The following MALRD1 variants were observed in gnomAD, a reference collection of about 807,000 sequenced individuals.
MALRD1 encodes the protein MAM and LDL-receptor class A domain-containing protein 1.
Under a neutral mutation model 242.1 loss-of-function variants are expected in MALRD1, and 247 were observed. The observed-to-expected ratio is 1.02, with a 90% confidence interval of 0.92 to 1.13. The LOEUF is 1.13. Among genes scored for constraint, MALRD1 ranks in the 50% most tolerant of loss-of-function variants. The pLI is 0.00. For synonymous variants in MALRD1, 995 were observed against 866.6 expected, an observed-to-expected ratio of 1.15 and a Z score of -2.60; for missense variants, 2,989 against 2,533.1, an observed-to-expected ratio of 1.18 and a Z score of -3.86.
chr10:19,451,159 T>C (rs1334964411), intron 29 of MALRD1, among the ~76,000 whole-genome samples: 2 of 152,236 alleles, frequency 1.3e-5, no homozygotes, highest in Non-Finnish European at 2.9e-5. Flanking sequence ...CAATTTTAAA[T>C]GTGAGCCTAA....
At chr10:19,548,986 G>T (rs1011349783) in intron 32 of MALRD1, among the ~76,000 whole-genome samples, 1 of 152,158 alleles carries the variant, frequency 6.6e-6, no homozygotes, top group African/African-American at 2.4e-5. Context: ...AGTTAAAAGT[G>T]CTACTCCAGT....
At chr10:19,554,760 A>G (rs894111739) in intron 32 of MALRD1, among the ~76,000 whole-genome samples, 3 of 152,226 alleles carry the variant, frequency 2.0e-5, no homozygotes, top group Middle Eastern at 3.4e-3. Context: ...TCTATGGTGT[A>G]TATGCACCAC....
At chr10:19,106,740 T>C (rs1244879432) in intron 5 of MALRD1, among the ~76,000 whole-genome samples, 2 of 151,910 alleles carry the variant, frequency 1.3e-5, no homozygotes, top group Non-Finnish European at 2.9e-5. Context: ...TTTGAGCTCT[T>C]TCTAATATTT....
intron 18 of MALRD1, among the ~76,000 whole-genome samples, chr10:19,237,891 A>G (rs1838444663): frequency 1.0e-5 from 1 of 98,014 alleles, no homozygotes; most frequent in South Asian, 3.5e-4. Context: ...AGTTATATAC[A>G]TTATAAATAA....
At chr10:19,491,709 T>C in intron 30 of MALRD1, 64 bp downstream of exon 30, 1 of 1,493,186 alleles carries the variant, frequency 6.7e-7, no homozygotes. Flanking sequence ...TAAGTAGAGT[T>C]AGATATTGGT....
rs1837804833 is a variant in MALRD1, at chr10:19,498,143, A to G, written c.5159-342A>G. Among the ~76,000 whole-genome samples, 3 of 152,232 alleles carry G rather than the reference A, an allele frequency of 2.0e-5. No individual in the cohort carries two copies. In the South Asian group the frequency reaches 6.2e-4, roughly 31 times the overall value. The stretch of plus-strand genomic sequence containing the variant: ...CAGAATAAGGGACGGAAGTGAATTA[A>G]ACATCCAGACAACTGAAGCTGTTTA... On this transcript the variant is annotated intron_variant, in intron 30 of 39. Transcript: ENST00000454679.
At chr10:19,658,911 T>A (rs892411815) in intron 36 of MALRD1, among the ~76,000 whole-genome samples, 6 of 152,328 alleles carry the variant, frequency 3.9e-5, no homozygotes, top group African/African-American at 1.4e-4. Flanking sequence ...AATCTTGATT[T>A]TTTTTAAGAA....
intron 29 of MALRD1, among the ~76,000 whole-genome samples, chr10:19,471,318 C>T (rs1589128717): frequency 6.6e-6 from 1 of 151,842 alleles, no homozygotes; most frequent in Non-Finnish European, 1.5e-5. Flanking sequence ...AGTATCCACA[C>T]TGTTTTCATT....
At position 19,136,779 on chromosome 10, in the gene MALRD1, G is replaced by T. The variant is rs780901170; in HGVS notation, c.1409G>T (p.Cys470Phe). Residue 470 changes from cysteine (C) to phenylalanine (F), a missense_variant and splice_region_variant, in exon 10 of 40, where the codon TGC becomes TTC. Transcript: ENST00000454679. ...GAGAGTGATGAAGACCCAGCAACTTGCTGTAAGTGAGTGAATGGCTTACTA... is the reference window on the plus strand; with the variant it reads ...GAGAGTGATGAAGACCCAGCAACTTTCTGTAAGTGAGTGAATGGCTTACTA... ...SDESDEDPAT[C>F]SKHLTCDFES... 78 of 1,231,310 alleles carry T rather than the reference G, an allele frequency of 6.3e-5. No individual in the cohort carries two copies. The highest frequency in any genetic ancestry group is 7.3e-5 in the Non-Finnish European group (72 of 987,740). 76.3% of individuals were successfully genotyped at this position (1,231,310 alleles called of 1,614,324 possible). A position where few individuals can be genotyped will look rare whatever the true frequency, so the allele number is the denominator to read the frequency against.
chr10:19,462,078 C>T (rs1033589199), intron 29 of MALRD1, among the ~76,000 whole-genome samples: 7 of 152,078 alleles, frequency 4.6e-5, no homozygotes, highest in African/African-American at 9.7e-5. Flanking sequence ...ACCTTGGTGA[C>T]CTTATTGATG....
chr10:19,678,148 A>G (rs1842212670), intron 36 of MALRD1, among the ~76,000 whole-genome samples: 1 of 151,980 alleles, frequency 6.6e-6, no homozygotes, highest in Non-Finnish European at 1.5e-5. Flanking sequence ...TCTTGGGTAT[A>G]TTGGCTCTTT....
At chr10:19,183,061 T>C (rs1835578793) in intron 14 of MALRD1, among the ~76,000 whole-genome samples, 2 of 151,562 alleles carry the variant, frequency 1.3e-5, no homozygotes, top group Non-Finnish European at 2.9e-5. Flanking sequence ...TCATAGGGAA[T>C]TGAATTAGAA....
At chr10:19,127,232 G>T (rs916096219) in intron 7 of MALRD1, among the ~76,000 whole-genome samples, 2 of 152,088 alleles carry the variant, frequency 1.3e-5, no homozygotes, top group Admixed American at 6.6e-5. Context: ...AAGATTAATA[G>T]ACTTTACTTT....
At chr10:19,066,942 C>T (rs1038192272) in intron 2 of MALRD1, 83 bp downstream of exon 2, 5 of 1,058,316 alleles carry the variant, frequency 4.7e-6, no homozygotes, top group Non-Finnish European at 6.0e-6. Flanking sequence ...TTCTTTCCCA[C>T]CTCCCTTTCT....
Position 19,463,677 on chromosome 10 carries a change from C to A in MALRD1, c.5029+13187C>A, listed in dbSNP as rs180785856. Among the ~76,000 whole-genome samples the A allele has an allele frequency of 1.4e-3, 211 of 152,008 alleles. 2 individuals are homozygous for A. Among genetic ancestry groups the A allele is most frequent in the African/African-American group, 4.9e-3 (205 of 41,442 alleles). On this transcript the variant is annotated intron_variant, in intron 29 of 39. Coordinates refer to ENST00000454679, the MANE Select transcript of MALRD1 (RefSeq NM_001142308.3). ...TGTCAACTGTGCTGCTATAAACATG[C>A]GTGTGCAAGTATCTTTTTTCGTATA...
At chr10:19,522,318 G>C (rs987675894) in intron 31 of MALRD1, among the ~76,000 whole-genome samples, 1 of 152,134 alleles carries the variant, frequency 6.6e-6, no homozygotes, top group Non-Finnish European at 1.5e-5. Flanking sequence ...ATTTTTGGCT[G>C]ATAGTAGACA....
At chr10:19,311,227 T>C (rs1299656612) in intron 21 of MALRD1, among the ~76,000 whole-genome samples, 2 of 151,458 alleles carry the variant, frequency 1.3e-5, no homozygotes, top group African/African-American at 4.8e-5. Context: ...TCTTAACTCA[T>C]GCACAGATAT....
At chr10:19,467,975 GTA>G (rs1360659433) in intron 29 of MALRD1, among the ~76,000 whole-genome samples, 5 of 151,936 alleles carry the variant, frequency 3.3e-5, no homozygotes, top group African/African-American at 4.8e-5. Context: ...TGTATGTTTA[GTA>G]GAGACTGGGT....
chr10:19,583,458 C>T (rs1441411664), intron 33 of MALRD1, among the ~76,000 whole-genome samples: 11 of 150,200 alleles, frequency 7.3e-5, no homozygotes, highest in Admixed American at 2.7e-4. Flanking sequence ...TGTCAAAGGC[C>T]TTTTCTGCAT....
Sources: gnomAD v4.1 joint callset for allele counts (sites outside exome capture counted in the v4.1 genomes callset) on GRCh38, gnomAD v4.1.1 for gene constraint, MANE v1.5 for transcripts, NCBI Gene and HGNC (gene_info 2026-07-23, HGNC 2026-07-21) for gene names.